LDLRAD3: variants seen among roughly 807,000 people sequenced by gnomAD.
LDLRAD3 encodes low density lipoprotein receptor class A domain containing 3.
A neutral mutation model predicts 29.4 loss-of-function variants in LDLRAD3; 20 were observed. The observed-to-expected ratio is 0.68, with a 90% CI of 0.48 to 0.99. The LOEUF is 0.99. Among genes scored for constraint, LDLRAD3 ranks in the 50% least tolerant of loss-of-function variants. The probability of loss-of-function intolerance (pLI) is 0.00; values close to 1 mark genes in which losing one functional copy is unlikely to be tolerated. For synonymous variants in LDLRAD3, 157 were observed against 192.7 expected, an observed-to-expected ratio of 0.81 and a Z score of 1.53; for missense variants, 420 against 454.3, an observed-to-expected ratio of 0.92 and a Z score of 0.69.
chr11:36,043,852 G>T (rs1210864672), intron 2 of LDLRAD3, among the ~76,000 whole-genome samples: 1 of 152,216 alleles, frequency 6.6e-6, no homozygotes, highest in Non-Finnish European at 1.5e-5. Context: ...AGGGTCTAGA[G>T]AATATCGTGG....
At chr11:35,987,032 T>C (rs911665597) in intron 1 of LDLRAD3, among the ~76,000 whole-genome samples, 1 of 152,230 alleles carries the variant, frequency 6.6e-6, no homozygotes, top group Non-Finnish European at 1.5e-5. Flanking sequence ...GAATGAGGCA[T>C]TTAAAATCTG....
intron 4 of LDLRAD3, among the ~76,000 whole-genome samples, chr11:36,207,797 C>G (rs1032767571): frequency 6.6e-6 from 1 of 152,118 alleles, no homozygotes; most frequent in African/African-American, 2.4e-5. Flanking sequence ...GTCCACCACA[C>G]TGGGGAAGGG....
intron 3 of LDLRAD3, among the ~76,000 whole-genome samples, chr11:36,086,926 T>G (rs1202805186): frequency 1.3e-5 from 2 of 152,216 alleles, no homozygotes; most frequent in African/African-American, 2.4e-5. Context: ...GACAGTCGTC[T>G]GATGCAGTGC....
chr11:36,223,508 T>C (rs1258111971), intron 4 of LDLRAD3, among the ~76,000 whole-genome samples: 1 of 152,116 alleles, frequency 6.6e-6, no homozygotes, highest in Admixed American at 6.6e-5. Context: ...ATGGATAGAT[T>C]ACTTGAGCCC....
chr11:36,016,657 A>G (rs945684233), intron 1 of LDLRAD3, among the ~76,000 whole-genome samples: 35 of 152,362 alleles, frequency 2.3e-4, no homozygotes, highest in African/African-American at 8.2e-4. Context: ...AAATATACCC[A>G]CATTCTAAAA....
At chr11:36,026,711 A>C (rs897211452) in intron 1 of LDLRAD3, among the ~76,000 whole-genome samples, 5 of 152,226 alleles carry the variant, frequency 3.3e-5, no homozygotes, top group Non-Finnish European at 7.3e-5. Context: ...ATTACGATGC[A>C]TTAGCATGCT....
At chr11:36,051,183 G>A (rs1184157503) in intron 2 of LDLRAD3, among the ~76,000 whole-genome samples, 2 of 152,236 alleles carry the variant, frequency 1.3e-5, no homozygotes, top group African/African-American at 2.4e-5. Context: ...AGAGGATGCT[G>A]CATATTTAGG....
At chr11:36,149,256 T>G (rs1854240800) in intron 4 of LDLRAD3, among the ~76,000 whole-genome samples, 3 of 152,118 alleles carry the variant, frequency 2.0e-5, no homozygotes, top group Admixed American at 6.5e-5. Flanking sequence ...ACATCAGACG[T>G]CAGGGGATGG....
At chr11:36,152,252 C>T (rs925149330) in intron 4 of LDLRAD3, among the ~76,000 whole-genome samples, 7 of 152,122 alleles carry the variant, frequency 4.6e-5, no homozygotes, top group Non-Finnish European at 1.0e-4. Context: ...TCTAAATTCA[C>T]CAGGGAATCT....
intron 1 of LDLRAD3, chr11:35,997,643 G>T: frequency 5.1e-6 from 1 of 195,872 alleles, no homozygotes; most frequent in Non-Finnish European, 1.0e-5. Context: ...TCAGGTATAC[G>T]ACTTTGATCT....
At chr11:35,995,431 C>T (rs1450155710) in intron 1 of LDLRAD3, among the ~76,000 whole-genome samples, 1 of 152,208 alleles carries the variant, frequency 6.6e-6, no homozygotes, top group Non-Finnish European at 1.5e-5. Flanking sequence ...GATGCACTGT[C>T]ATCCAGGCTT....
intron 4 of LDLRAD3, among the ~76,000 whole-genome samples, chr11:36,137,036 A>G (rs1043277602): frequency 6.6e-6 from 1 of 152,158 alleles, no homozygotes; most frequent in Non-Finnish European, 1.5e-5. Context: ...ATTTCTTTAT[A>G]GCAATGCAAG....
chr11:35,996,920 T>G (rs530678914), intron 1 of LDLRAD3, among the ~76,000 whole-genome samples: 1 of 152,198 alleles, frequency 6.6e-6, no homozygotes, highest in Non-Finnish European at 1.5e-5. Flanking sequence ...AAGTCTGGAC[T>G]CCTCCATGCA....
At chr11:36,106,658 A>G (rs1853533009) in intron 4 of LDLRAD3, among the ~76,000 whole-genome samples, 1 of 152,176 alleles carries the variant, frequency 6.6e-6, no homozygotes, top group African/African-American at 2.4e-5. Flanking sequence ...TGACCAGGGT[A>G]TATTGTATAT....
intron 3 of LDLRAD3, among the ~76,000 whole-genome samples, chr11:36,095,244 C>A (rs1192231509): frequency 6.6e-6 from 1 of 152,150 alleles, no homozygotes; most frequent in African/African-American, 2.4e-5. Context: ...AATTCCTGGG[C>A]CATGCCATGT....
chr11:36,049,113 C>G (rs79989220), intron 2 of LDLRAD3, among the ~76,000 whole-genome samples: 4,744 of 152,204 alleles, frequency 0.031, 235 homozygotes, highest in Admixed American at 0.13. Flanking sequence ...CCAGCATGCT[C>G]TCATTGCCAG....
intron 4 of LDLRAD3, among the ~76,000 whole-genome samples, chr11:36,117,292 C>T (rs898491239): frequency 2.0e-5 from 3 of 152,162 alleles, no homozygotes; most frequent in Non-Finnish European, 2.9e-5. Context: ...TCACCTTAGA[C>T]TAATTTATGG....
At chr11:36,128,358 C>G (rs1853873305) in intron 4 of LDLRAD3, among the ~76,000 whole-genome samples, 1 of 152,012 alleles carries the variant, frequency 6.6e-6, no homozygotes. Context: ...TTCTGCCCAG[C>G]CTTGTGCTGG....
chr11:36,121,589 A>G (rs934575182), intron 4 of LDLRAD3, among the ~76,000 whole-genome samples: 2 of 152,230 alleles, frequency 1.3e-5, no homozygotes, highest in Non-Finnish European at 2.9e-5. Context: ...GGTTCGGGAA[A>G]ATAATTGCTG....
Sources: gnomAD v4.1 joint callset for allele counts (sites outside exome capture counted in the v4.1 genomes callset) on GRCh38, gnomAD v4.1.1 for gene constraint, MANE v1.5 for transcripts, NCBI Gene and HGNC (gene_info 2026-07-23, HGNC 2026-07-21) for gene names.